F2: variants seen among roughly 807,000 people sequenced by gnomAD.
F2 encodes the protein coagulation factor II, thrombin, also known as prothrombin.
A neutral mutation model predicts 81.9 loss-of-function variants in F2; 34 were observed. That is an observed-to-expected ratio of 0.42 (90% CI 0.32 to 0.55). The LOEUF is 0.55. Among genes scored for constraint, F2 ranks in the 20% least tolerant of loss-of-function variants. The probability of loss-of-function intolerance (pLI) is 0.18; values close to 1 mark genes in which losing one functional copy is unlikely to be tolerated. For missense variants in F2, 630 were observed against 833.4 expected, an observed-to-expected ratio of 0.76 and a Z score of 3.00; for synonymous variants, 296 against 326.4, an observed-to-expected ratio of 0.91 and a Z score of 1.01.
At chr11:46,725,250 G>A (rs2064864597) in intron 6 of F2, among the ~76,000 whole-genome samples, 1 of 151,734 alleles carries the variant, frequency 6.6e-6, no homozygotes, top group African/African-American at 2.4e-5. Flanking sequence ...TGTATTTTTA[G>A]TAGAGACGGG....
In F2 at chr11:46,720,074, T is replaced by C. The variant is rs2064826996; in HGVS notation, c.240+212T>C. ...TGGACTGTGTCCCTGTGCAGCTCCATGACATGGGGAGGCCTCCACAGTCTT... is the reference window on the plus strand; with the variant it reads ...TGGACTGTGTCCCTGTGCAGCTCCACGACATGGGGAGGCCTCCACAGTCTT... On this transcript the variant is annotated intron_variant, in intron 2 of 13. Transcript: ENST00000311907. 8.9e-6 allele frequency: 6 copies of C among 671,586 alleles called. No homozygotes were observed. The South Asian group carries it at 1.1e-4, about 13-fold the overall frequency. 41.6% of individuals were successfully genotyped at this position (671,586 alleles called of 1,614,324 possible).
rs1338771259 is a variant in F2, at chr11:46,727,469, GT to G, written c.1131-525del. 5.3e-5 allele frequency among the ~76,000 whole-genome samples: 8 copies of G among 152,196 alleles called. No individual in the cohort carries two copies. The East Asian group carries it at 1.5e-3, about 29-fold the overall frequency. ...GTGAACTCTGGACTGGAAGGACCTA[GT>G]TAGGGGGTGCAAAAAGCAGGAGGCA... On this transcript the variant is annotated intron_variant, in intron 9 of 13. Transcript: ENST00000311907.
Position 46,719,663 on chromosome 11 carries a change from C to T in F2, c.80-39C>T, listed in dbSNP as rs1297009187. On this transcript the variant is annotated intron_variant, in intron 1 of 13. Transcript: ENST00000311907. The surrounding 1 kb of genome is among the most constrained non-coding windows in gnomAD (Gnocchi z 4.7). Reference sequence around the variant, plus strand: ...CCAGAATGGCCAAGACTGCCTGTTCCTGAGGCCGCTGTCCCATGACCCCCC... The same window carrying T: ...CCAGAATGGCCAAGACTGCCTGTTCTTGAGGCCGCTGTCCCATGACCCCCC... The T allele has an allele frequency of 6.4e-7, 1 of 1,562,860 alleles. No homozygotes were observed. The highest frequency in any genetic ancestry group is 1.4e-5 in the African/African-American group (1 of 73,706).
At chr11:46,736,138 G>A (rs986020888) in intron 12 of F2, among the ~76,000 whole-genome samples, 4 of 152,098 alleles carry the variant, frequency 2.6e-5, no homozygotes, top group Non-Finnish European at 5.9e-5. Context: ...GGGAGGAGGA[G>A]GTTGCAGTGA....
chr11:46,732,917 A>G (rs960822924), intron 12 of F2, among the ~76,000 whole-genome samples: 1 of 152,194 alleles, frequency 6.6e-6, no homozygotes, highest in Non-Finnish European at 1.5e-5. Flanking sequence ...CTTGTAGTCA[A>G]GAGTGGAATT....
chr11:46,726,600 C>G lies in F2; in HGVS notation c.977C>G (p.Pro326Arg), dbSNP rs1428057675. The part of the protein sequence containing the change: ...ATSEYQTFFN[P>R]RTFGSGEADC... ...AGTGAGTACCAGACTTTCTTCAATC[C>G]GAGGACCTTTGGCTCGGGAGAGGCA... The change falls in exon 8 of 14, where the codon CCG becomes CGG. Residue 326 changes from proline (P) to arginine (R), a missense_variant. Transcript: ENST00000311907. The surrounding 1 kb of genome is among the most constrained non-coding windows in gnomAD (Gnocchi z 5.9). 1 of 1,614,160 alleles carries G rather than the reference C, an allele frequency of 6.2e-7. No homozygotes were observed. Among genetic ancestry groups the G allele is most frequent in the Non-Finnish European group, 8.5e-7 (1 of 1,180,010 alleles).
chr11:46,728,187 T>A lies in F2; in HGVS notation c.1298+24T>A. On this transcript the variant is annotated intron_variant, in intron 10 of 13. Coordinates refer to ENST00000311907, the MANE Select transcript of F2 (RefSeq NM_000506.5). The surrounding 1 kb of genome is among the most constrained non-coding windows in gnomAD (Gnocchi z 5.1). ...AGGTACAGAACTGGTGGCCCGTGGG[T>A]GTCTGGCAGGGGTCTGAGTCCTCCA... 1.3e-6 allele frequency: 2 copies of A among 1,599,770 alleles called. No homozygotes were observed. Among genetic ancestry groups the A allele is most frequent in the Non-Finnish European group, 1.7e-6 (2 of 1,173,994 alleles).
At chr11:46,727,861 G>A in intron 9 of F2, 135 bp from the exon 10 acceptor site, 1 of 985,218 alleles carries the variant, frequency 1.0e-6, no homozygotes, top group Non-Finnish European at 1.5e-6. Flanking sequence ...AAGGCGGCCA[G>A]CCCAAGCTTG....
At chr11:46,738,207 G>A (rs1347493858) in intron 12 of F2, among the ~76,000 whole-genome samples, 1 of 152,034 alleles carries the variant, frequency 6.6e-6, no homozygotes. Context: ...CACCACGTTG[G>A]CCAGGCTGGT....
In F2 at chr11:46,719,652, ACTGCCTGTTCCTGAGGCCG is replaced by A; in HGVS notation, c.80-46_80-28del. The A allele has an allele frequency of 6.4e-7, 1 of 1,555,936 alleles. No individual in the cohort carries two copies. Among genetic ancestry groups the A allele is most frequent in the East Asian group, 2.4e-5 (1 of 41,516 alleles). On this transcript the variant is annotated intron_variant, in intron 1 of 13. Transcript: ENST00000311907. This position sits in a 1 kb window ranked among gnomAD's most constrained non-coding sequence, Gnocchi z 4.7. ...GCTTCATGCCCCCAGAATGGCCAAG[ACTGCCTGTTCCTGAGGCCG>A]CTGTCCCATGACCCCCCCACCGCCT...
intron 12 of F2, among the ~76,000 whole-genome samples, chr11:46,735,247 C>T (rs1302982495): frequency 2.0e-5 from 3 of 151,936 alleles, no homozygotes; most frequent in Non-Finnish European, 4.4e-5. Context: ...AGAGACCATC[C>T]TGGCCAACAT....
chr11:46,728,259 C>A lies in F2; in HGVS notation c.1298+96C>A. On this transcript the variant is annotated intron_variant, in intron 10 of 13. Transcript: ENST00000311907. This position sits in a 1 kb window ranked among gnomAD's most constrained non-coding sequence, Gnocchi z 5.1. ...GTGGCTCCGGGACACATAGGATGTT[C>A]TGTATACCCCCCAGAATATAACATC... 7.8e-7 allele frequency: 1 copy of A among 1,276,830 alleles called. No individual in the cohort carries two copies. The highest frequency in any genetic ancestry group is 1.3e-5 in the South Asian group (1 of 78,230). 79.1% of individuals were successfully genotyped at this position (1,276,830 alleles called of 1,614,324 possible). A position where few individuals can be genotyped will look rare whatever the true frequency, so the allele number is the denominator to read the frequency against.
chr11:46,723,285 A>G lies in F2; in HGVS notation c.422A>G (p.Glu141Gly). The change falls in exon 5 of 14, where the codon GAA (glutamate) becomes GGA (glycine). Residue 141 changes from glutamate (E) to glycine (G), a missense_variant and splice_region_variant. By Grantham distance (98) the Glu-to-Gly change is moderately conservative. Transcript: ENST00000311907. This position sits in a 1 kb window ranked among gnomAD's most constrained non-coding sequence, Gnocchi z 5.6. ...LWRSRYPHKP[E>G]INSTTHPGAD... ...AGGAGTCGCTACCCACATAAGCCTG[A>G]GTGAGTGAGGGGCCGGCCTTCCCAC... 1 of 1,613,950 alleles carries G rather than the reference A, an allele frequency of 6.2e-7. No homozygotes were observed. The highest frequency in any genetic ancestry group is 1.1e-5 in the South Asian group (1 of 91,074).
intron 12 of F2, among the ~76,000 whole-genome samples, chr11:46,733,350 C>T (rs1053306603): frequency 2.6e-5 from 4 of 152,166 alleles, no homozygotes; most frequent in African/African-American, 7.2e-5. Context: ...GCTACAGGCA[C>T]ACACCACCAT....
chr11:46,720,647 A>G, intron 3 of F2, 100 bp downstream of exon 3: 5 of 1,519,940 alleles, frequency 3.3e-6, no homozygotes, highest in Non-Finnish European at 4.6e-6. Context: ...CCATCCACCC[A>G]TCCACCCCTT....
Position 46,719,970 on chromosome 11 carries a change from G to A in F2, c.240+108G>A. ...CGCCACAGCCCCTTCGCTGCTCACA[G>A]CCTCATTTCAACTCTGAGCCCCTCC... On this transcript the variant is annotated intron_variant, in intron 2 of 13. Coordinates refer to ENST00000311907, the MANE Select transcript of F2 (RefSeq NM_000506.5). This position sits in a 1 kb window ranked among gnomAD's most constrained non-coding sequence, Gnocchi z 4.7. The A allele has an allele frequency of 7.0e-7, 1 of 1,435,790 alleles. No individual in the cohort carries two copies. The highest frequency in any genetic ancestry group is 1.4e-5 in the African/African-American group (1 of 71,214). The allele number at this position is 1,435,790 out of a possible 1,614,324, so 88.9% of individuals were successfully genotyped here.
intron 12 of F2, among the ~76,000 whole-genome samples, chr11:46,736,857 G>A (rs1486513920): frequency 6.6e-6 from 1 of 152,174 alleles, no homozygotes; most frequent in Non-Finnish European, 1.5e-5. Context: ...AAAGCTTGGT[G>A]GTAATTTTAT....
rs547946207 is a variant in F2 at position 46,725,806 on chromosome 11, G to A, written c.560-53G>A. On this transcript the variant is annotated intron_variant, in intron 6 of 13. Transcript: ENST00000311907. ...CGGGGTTCACACCCCTGTCTGTTCC[G>A]GTCCATGTGTGGTCTCACTCACTCT... The A allele has an allele frequency of 3.6e-5, 58 of 1,590,888 alleles. 3 individuals are homozygous for A. The South Asian group carries it at 4.6e-4, about 13-fold the overall frequency.
chr11:46,726,529 G>T lies in F2; in HGVS notation c.906G>T (p.Gly302=), dbSNP rs2064874569. Residue 302 remains glycine, a synonymous_variant, in exon 8 of 14, where the codon GGG becomes GGT. Transcript: ENST00000311907. This position sits in a 1 kb window ranked among gnomAD's most constrained non-coding sequence, Gnocchi z 5.9. ...CCGTGGAGGAGGAGACAGGAGATGG[G>T]CTGGATGAGGACTCAGACAGGGCCA... ...EEAVEEETGD[G]LDEDSDRAIE... is the part of the protein sequence containing the mutation. The T allele has an allele frequency of 3.7e-6, 6 of 1,614,012 alleles. No individual in the cohort carries two copies. The highest frequency in any genetic ancestry group is 5.1e-6 in the Non-Finnish European group (6 of 1,179,894).
Sources: gnomAD v4.1 joint callset for allele counts (sites outside exome capture counted in the v4.1 genomes callset) on GRCh38, gnomAD v4.1.1 for gene constraint, Gnocchi (gnomAD v3.1) non-coding constraint, MANE v1.5 for transcripts, NCBI Gene and HGNC (gene_info 2026-07-23, HGNC 2026-07-21) for gene names.